GPC5: variants seen among roughly 807,000 people sequenced by gnomAD.
GPC5 encodes glypican 5, also known as glypican-5.
Under a neutral mutation model 53.9 loss-of-function variants are expected in GPC5, and 47 were observed. The observed-to-expected ratio is 0.87, with a 90% CI of 0.69 to 1.11. The LOEUF is 1.11. Ranked by LOEUF, GPC5 falls within the 50% of genes most tolerant of loss-of-function variation. GPC5 has a pLI of 0.00. For missense variants in GPC5, 748 were observed against 713.1 expected (o/e 1.05, Z -0.56); for synonymous variants, 286 against 263.3 (o/e 1.09, Z -0.84).
chr13:92,776,829 G>T (rs775952285), intron 7 of GPC5, among the ~76,000 whole-genome samples: 1 of 151,712 alleles, frequency 6.6e-6, no homozygotes, highest in Non-Finnish European at 1.5e-5. Context: ...TTATAGTAGG[G>T]TACTCACCAT....
intron 7 of GPC5, among the ~76,000 whole-genome samples, chr13:92,581,006 C>T (rs1470559545): frequency 6.6e-6 from 1 of 152,002 alleles, no homozygotes; most frequent in African/African-American, 2.4e-5. Flanking sequence ...TATATGAATA[C>T]ATTATAGAAT....
chr13:91,855,322 C>A (rs939102722), intron 5 of GPC5, among the ~76,000 whole-genome samples: 2 of 151,542 alleles, frequency 1.3e-5, no homozygotes, highest in Admixed American at 1.3e-4. Flanking sequence ...ATCTAAGCAA[C>A]GAAATTTTGT....
chr13:92,363,265 A>G (rs2043582584), intron 7 of GPC5, among the ~76,000 whole-genome samples: 1 of 151,654 alleles, frequency 6.6e-6, no homozygotes, highest in African/African-American at 2.4e-5. Context: ...TACATGTGTT[A>G]CTGGGCTACT....
chr13:92,225,172 C>A lies in GPC5; in HGVS notation c.1561+80183C>A, dbSNP rs879816248. Among the ~76,000 whole-genome samples, 4 of 152,120 alleles carry A rather than the reference C, an allele frequency of 2.6e-5. 1 individual carries two copies. Among genetic ancestry groups the A allele is most frequent in the Admixed American group, 2.6e-4 (4 of 15,266 alleles). On this transcript the variant is annotated intron_variant, in intron 7 of 7. Transcript: ENST00000377067. ...TCCCTGATTTCCTTATTGTTCCTGG[C>A]TGGAAATGGCTCTGGAATATCTTGA...
chr13:91,435,766 C>G (rs567801010), intron 1 of GPC5, among the ~76,000 whole-genome samples: 2 of 152,230 alleles, frequency 1.3e-5, no homozygotes, highest in East Asian at 3.9e-4. Context: ...GGAATGGTAC[C>G]AGCTCCTCCT....
At chr13:92,799,975 C>T (rs118060268) in intron 7 of GPC5, among the ~76,000 whole-genome samples, 3,666 of 151,822 alleles carry the variant, frequency 0.024, 62 homozygotes, top group Middle Eastern at 0.1. Context: ...TTAGCTAGTT[C>T]TCACCTTACT....
intron 6 of GPC5, among the ~76,000 whole-genome samples, chr13:91,936,532 A>T (rs574532205): frequency 6.6e-6 from 1 of 152,244 alleles, no homozygotes; most frequent in African/African-American, 2.4e-5. Flanking sequence ...TTGTAACGAA[A>T]GTATACATAT....
chr13:92,284,417 G>A (rs1294457183), intron 7 of GPC5, among the ~76,000 whole-genome samples: 1 of 152,100 alleles, frequency 6.6e-6, no homozygotes, highest in Non-Finnish European at 1.5e-5. Context: ...TGATACCAAA[G>A]CCTGACAGAG....
intron 5 of GPC5, among the ~76,000 whole-genome samples, chr13:91,759,362 T>G (rs2037362016): frequency 1.3e-5 from 2 of 152,260 alleles, no homozygotes; most frequent in South Asian, 4.1e-4. Flanking sequence ...CACTTATCAT[T>G]TCTTTATGTT....
chr13:91,578,167 C>T (rs2032208962), intron 2 of GPC5, among the ~76,000 whole-genome samples: 1 of 152,176 alleles, frequency 6.6e-6, no homozygotes, highest in Non-Finnish European at 1.5e-5. Context: ...TGCCAACAGC[C>T]ATGCAAGTGA....
intron 5 of GPC5, among the ~76,000 whole-genome samples, chr13:91,893,048 T>C (rs959033799): frequency 6.6e-6 from 1 of 151,974 alleles, no homozygotes. Flanking sequence ...TTGAAGATAT[T>C]TGCGTGGACA....
At chr13:92,812,085 C>A (rs1877319868) in intron 7 of GPC5, among the ~76,000 whole-genome samples, 1 of 151,886 alleles carries the variant, frequency 6.6e-6, no homozygotes, top group Admixed American at 6.6e-5. Context: ...GTGGACCCAT[C>A]TGAATTTCAG....
intron 4 of GPC5, among the ~76,000 whole-genome samples, chr13:91,749,527 T>A (rs1218825755): frequency 1.3e-5 from 2 of 152,342 alleles, no homozygotes; most frequent in East Asian, 3.9e-4. Flanking sequence ...TTATTTTCCT[T>A]TGGGTAAATA....
intron 7 of GPC5, among the ~76,000 whole-genome samples, chr13:92,814,489 C>T (rs1179056687): frequency 6.6e-6 from 1 of 151,350 alleles, no homozygotes; most frequent in Non-Finnish European, 1.5e-5. Flanking sequence ...GGTGAAACCC[C>T]GTCTCTACTA....
chr13:92,639,548 T>C (rs1281888440), intron 7 of GPC5, among the ~76,000 whole-genome samples: 2 of 152,220 alleles, frequency 1.3e-5, no homozygotes, highest in Non-Finnish European at 2.9e-5. Flanking sequence ...TCAAGGTTTG[T>C]TCATGGAGTC....
intron 7 of GPC5, chr13:92,701,525 A>G (rs41305246): frequency 4.6e-5 from 7 of 152,264 alleles, no homozygotes; most frequent in Non-Finnish European, 1.0e-4. Context: ...ATCTGCAACA[A>G]AAGGGACATA....
chr13:92,632,287 A>C (rs762154778), intron 7 of GPC5, among the ~76,000 whole-genome samples: 4 of 152,076 alleles, frequency 2.6e-5, no homozygotes, highest in Non-Finnish European at 5.9e-5. Context: ...TGAAGACAGA[A>C]ATTTCATAAG....
At chr13:92,291,637 G>C (rs1055339180) in intron 7 of GPC5, among the ~76,000 whole-genome samples, 2 of 152,146 alleles carry the variant, frequency 1.3e-5, no homozygotes, top group African/African-American at 4.8e-5. Context: ...GCCAGCAGTG[G>C]CAACCCGCTA....
chr13:91,532,879 T>TA (rs1476968297), intron 2 of GPC5, among the ~76,000 whole-genome samples: 1 of 151,870 alleles, frequency 6.6e-6, no homozygotes, highest in Non-Finnish European at 1.5e-5. Flanking sequence ...GTCTCAAAAA[T>TA]AAAATAAAAT....
Sources: gnomAD v4.1 joint callset for allele counts (sites outside exome capture counted in the v4.1 genomes callset) on GRCh38, gnomAD v4.1.1 for gene constraint, MANE v1.5 for transcripts, NCBI Gene and HGNC (gene_info 2026-07-23, HGNC 2026-07-21) for gene names.